The following RYR1 variants were observed in gnomAD, a reference collection of about 807,000 sequenced individuals.
RYR1 encodes the protein central core disease of muscle.
RYR1 carries 342 observed loss-of-function variants against 583.5 expected under a neutral mutation model. The ratio of observed to expected loss-of-function variants is 0.59; its 90% CI spans 0.54 to 0.64. The LOEUF is 0.64. Ranked by LOEUF, RYR1 falls within the 30% of genes least tolerant of loss-of-function variation. RYR1 has a pLI of 0.00. For missense variants in RYR1, 6,032 were observed against 6,917.2 expected (o/e 0.87, Z 4.54); for synonymous variants, 2,791 against 2,822.5 (o/e 0.99, Z 0.35).
chr19:38,531,114 A>G (rs7250800), intron 76 of RYR1, among the ~76,000 whole-genome samples: 18,420 of 151,084 alleles, frequency 0.12, 1,303 homozygotes, highest in South Asian at 0.28. Context: ...GATTACAGGC[A>G]CGAGCCACCG....
At chr19:38,582,959 T>A (rs2145905512) in intron 101 of RYR1, among the ~76,000 whole-genome samples, 1 of 152,234 alleles carries the variant, frequency 6.6e-6, no homozygotes, top group African/African-American at 2.4e-5. Context: ...TCTTAGTTTT[T>A]ACTCTAGGAT....
intron 47 of RYR1, 124 bp from the exon 48 acceptor site, chr19:38,502,383 G>T: frequency 3.5e-6 from 3 of 865,000 alleles, no homozygotes; most frequent in Non-Finnish European, 5.6e-6. Context: ...GGTAGAGATT[G>T]GGAGGAGCAG....
intron 90 of RYR1, among the ~76,000 whole-genome samples, chr19:38,564,271 C>A (rs909958609): frequency 1.3e-5 from 2 of 152,146 alleles, no homozygotes; most frequent in African/African-American, 4.8e-5. Context: ...TGCCTGTAAT[C>A]CCAGCACTTT....
At chr19:38,455,195 G>A in intron 13 of RYR1, 40 bp from the exon 14 acceptor site, 1 of 1,610,898 alleles carries the variant, frequency 6.2e-7, no homozygotes, top group Non-Finnish European at 8.5e-7. Flanking sequence ...GGGAGGGCCT[G>A]GGTCTCCTAT....
At position 38,535,307 on chromosome 19, in the gene RYR1, C is replaced by T. The variant is rs1971918480; in HGVS notation, c.11440-9C>T. On this transcript the variant is annotated splice_polypyrimidine_tract_variant and intron_variant, in intron 80 of 105. Coordinates refer to ENST00000359596, the MANE Select transcript of RYR1 (RefSeq NM_000540.3). ...CCCAGTTTCTCCTCCCCTGCCTCGC[C>T]CTCTGCAGAAAATGCTGGATTATCT... 6.2e-7 allele frequency: 1 copy of T among 1,613,980 alleles called. No homozygotes were observed. The highest frequency in any genetic ancestry group is 1.7e-5 in the Admixed American group (1 of 59,992).
intron 1 of RYR1, among the ~76,000 whole-genome samples, chr19:38,435,140 C>A (rs1296861450): frequency 6.6e-6 from 1 of 152,218 alleles, no homozygotes; most frequent in African/African-American, 2.4e-5. Flanking sequence ...CCTCCTGAGA[C>A]ATCTAATTAT....
At chr19:38,509,329 T>C (rs1341315345) in intron 58 of RYR1, among the ~76,000 whole-genome samples, 1 of 152,108 alleles carries the variant, frequency 6.6e-6, no homozygotes, top group Non-Finnish European at 1.5e-5. Context: ...AAATGGGGGT[T>C]GGGAACCAAC....
rs71165555 is a variant in RYR1, at chr19:38,520,693, C to CAAAAAAAAAA, written c.10259+1256_10259+1265dup. Among the ~76,000 whole-genome samples, 15 of 46,902 alleles carry CAAAAAAAAAA rather than the reference C, an allele frequency of 3.2e-4. No homozygotes were observed. The South Asian group carries it at 4.6e-3, about 14-fold the overall frequency. 30.8% of individuals were successfully genotyped at this position (46,902 alleles called of 152,430 possible). On this transcript the variant is annotated intron_variant, in intron 67 of 105. Transcript: ENST00000359596. The stretch of plus-strand genomic sequence containing the variant: ...CTAGGAACAGAGCGAGGCTCCACCT[C>CAAAAAAAAAA]AAAAAAAAAAAAAAAAAAAAAAAAA...
At chr19:38,581,147 A>G (rs929477937) in intron 101 of RYR1, among the ~76,000 whole-genome samples, 10 of 151,456 alleles carry the variant, frequency 6.6e-5, no homozygotes, top group Admixed American at 2.6e-4. Flanking sequence ...GCGTGATCTC[A>G]GCTCACTGCA....
Position 38,473,461 on chromosome 19 carries a change from G to A in RYR1, c.3850G>A (p.Glu1284Lys). The A allele has an allele frequency of 6.2e-7, 1 of 1,613,980 alleles. No individual in the cohort carries two copies. The change falls in exon 28 of 106, where the codon GAG becomes AAG. Residue 1284 changes from glutamate (E) to lysine (K), a missense_variant. Physicochemically the swap from Glu to Lys is moderately conservative, Grantham distance 56 (BLOSUM62 1). Around this residue, in one of 11 missense-constraint regions of RYR1, gnomAD observed 2,627 missense variants for 2,961.3 expected, o/e 0.89. Transcript: ENST00000359596. Reference sequence around the variant, plus strand: ...CTGGGGCTCCCAGAACAGCCTGGTGGAGATGCTTTTCCTGCGGCTGAGCCT... The same window carrying A: ...CTGGGGCTCCCAGAACAGCCTGGTGAAGATGCTTTTCCTGCGGCTGAGCCT... ...RTWGSQNSLV[E>K]MLFLRLSLPV...
rs756317257 is a variant in RYR1, at chr19:38,584,931, C to G, written c.14647-12C>G. ...CGAATGAATGAGTGACCAGTGTGCTCCCCTCCCTCAGTGTTACCTGTTTCA... is the reference window on the plus strand; with the variant it reads ...CGAATGAATGAGTGACCAGTGTGCTGCCCTCCCTCAGTGTTACCTGTTTCA... On this transcript the variant is annotated splice_polypyrimidine_tract_variant and intron_variant, in intron 101 of 105. Transcript: ENST00000359596. 3 of 1,613,738 alleles carry G rather than the reference C, an allele frequency of 1.9e-6. No individual in the cohort carries two copies. Among genetic ancestry groups the G allele is most frequent in the East Asian group, 2.2e-5 (1 of 44,834 alleles).
chr19:38,452,986 G>C lies in RYR1; in HGVS notation c.1412G>C (p.Arg471Pro). 1 of 1,613,818 alleles carries C rather than the reference G, an allele frequency of 6.2e-7. No homozygotes were observed. The highest frequency in any genetic ancestry group is 8.5e-7 in the Non-Finnish European group (1 of 1,179,804). Reference protein sequence around the residue: ...EEKQSKLRSLRNRQSLFQEEG... With the variant: ...EEKQSKLRSLPNRQSLFQEEG... ...AAGCAGAGCAAGCTGCGAAGCCTGC[G>C]CAACCGCCAGAGCCTCTTCCAGGAG... The change falls in exon 13 of 106, where the codon CGC becomes CCC. Residue 471 changes from arginine (R) to proline (P), a missense_variant. Transcript: ENST00000359596.
Position 38,528,596 on chromosome 19 carries a change from C to T in RYR1, c.10938-3C>T, listed in dbSNP as rs377684668. 6.2e-7 allele frequency: 1 copy of T among 1,614,120 alleles called. No homozygotes were observed. On this transcript the variant is annotated splice_region_variant and splice_polypyrimidine_tract_variant and intron_variant, in intron 74 of 105. Coordinates refer to ENST00000359596, the MANE Select transcript of RYR1 (RefSeq NM_000540.3). ...CCAGTGACGTCACACCTCTCCCCTG[C>T]AGGCACCGGGCATGTAACATGTTCC... is the stretch of plus-strand genomic sequence containing the variant.
At position 38,439,186 on chromosome 19, in the gene RYR1, A is replaced by ATT. The variant is rs77428971; in HGVS notation, c.46-1549_46-1548dup. On this transcript the variant is annotated intron_variant, in intron 1 of 105. Coordinates refer to ENST00000359596, the MANE Select transcript of RYR1 (RefSeq NM_000540.3). ...AATAAAAACAGCCTATACCATTACT[A>ATT]TTTTTTTTTTTGTTTGTTTTTTGAG... Among the ~76,000 whole-genome samples, 53 of 146,368 alleles carry ATT rather than the reference A, an allele frequency of 3.6e-4. 1 individual carries two copies. Among genetic ancestry groups the ATT allele is most frequent in the African/African-American group, 1.3e-3 (53 of 39,640 alleles).
Position 38,532,529 on chromosome 19 carries a change from T to C in RYR1, c.11181T>C (p.Asp3727=), listed in dbSNP as rs1264894762. The part of the protein sequence containing the change: ...DEDYLYMAYA[D]IMAKSCHLEE... ...ATTACCTGTACATGGCCTATGCTGATATCATGGCAAAGGTGAGGCCCTACC... is the reference window on the plus strand; with the variant it reads ...ATTACCTGTACATGGCCTATGCTGACATCATGGCAAAGGTGAGGCCCTACC... Residue 3727 remains aspartate, a synonymous_variant, in exon 77 of 106, where the codon GAT becomes GAC. Transcript: ENST00000359596. The C allele has an allele frequency of 6.2e-7, 1 of 1,614,156 alleles. No individual in the cohort carries two copies. The highest frequency in any genetic ancestry group is 1.1e-5 in the South Asian group (1 of 91,082).
At position 38,483,481 on chromosome 19, in the gene RYR1, G is replaced by A. The variant is rs1324779412; in HGVS notation, c.4899G>A (p.Leu1633=). The stretch of plus-strand genomic sequence containing the variant: ...GGGCCGTGCAGTGCCAGGAGCCGCT[G>A]ACCATGATGGCGCTGCACATCCCCG... ...LGWAVQCQEP[L]TMMALHIPEE... Residue 1633 remains leucine (L), a synonymous_variant, in exon 33 of 106, where the codon CTG becomes CTA. Coordinates refer to ENST00000359596, the MANE Select transcript of RYR1 (RefSeq NM_000540.3). The surrounding 1 kb of genome is among the most constrained non-coding windows in gnomAD (Gnocchi z 6.3). 3.2e-6 allele frequency: 5 copies of A among 1,559,642 alleles called. No individual in the cohort carries two copies. Among genetic ancestry groups the A allele is most frequent in the Non-Finnish European group, 3.5e-6 (4 of 1,156,186 alleles).
Position 38,483,579 on chromosome 19 carries a change from C to T in RYR1, c.4934+63C>T, listed in dbSNP as rs1169632230. ...TTGCAAGCCCTCTGGGGTCTGGGTC[C>T]CACTCAGTGCCCCTCCTCAACACAA... On this transcript the variant is annotated intron_variant, in intron 33 of 105. Transcript: ENST00000359596. This position sits in a 1 kb window ranked among gnomAD's most constrained non-coding sequence, Gnocchi z 6.3. 3 of 1,391,574 alleles carry T rather than the reference C, an allele frequency of 2.2e-6. No homozygotes were observed. The highest frequency in any genetic ancestry group is 2.9e-6 in the Non-Finnish European group (3 of 1,017,260). The allele number at this position is 1,391,574 out of a possible 1,614,324, so 86.2% of individuals were successfully genotyped here.
chr19:38,521,447 G>A (rs1170940087), intron 67 of RYR1, among the ~76,000 whole-genome samples: 1 of 151,764 alleles, frequency 6.6e-6, no homozygotes, highest in African/African-American at 2.4e-5. Flanking sequence ...GCCAAAGAGA[G>A]TGGATCACTC....
intron 97 of RYR1, among the ~76,000 whole-genome samples, chr19:38,576,361 G>T (rs1973955892): frequency 6.6e-6 from 1 of 152,078 alleles, no homozygotes; most frequent in Admixed American, 6.6e-5. Flanking sequence ...GAGGTGGGAG[G>T]ATCGCTTAAC....
Sources: gnomAD v4.1 joint callset for allele counts (sites outside exome capture counted in the v4.1 genomes callset) on GRCh38, gnomAD v4.1.1 for gene constraint, gnomAD v4.1.1 regional missense constraint, Gnocchi (gnomAD v3.1) non-coding constraint, MANE v1.5 for transcripts, NCBI Gene and HGNC (gene_info 2026-07-23, HGNC 2026-07-21) for gene names.